PUM2: variants seen among roughly 807,000 people sequenced by gnomAD.
PUM2 encodes the protein pumilio homolog 2.
In PUM2, 57 loss-of-function variants were observed where a neutral mutation model predicts 124.5. The observed-to-expected ratio is 0.46, with a 90% confidence interval of 0.37 to 0.57. The LOEUF is 0.57. PUM2 is among the 20% of genes least tolerant of loss of function. The pLI, the probability that PUM2 is intolerant of heterozygous loss-of-function variation, is 0.00. For synonymous variants in PUM2, 460 were observed against 446.1 expected, an observed-to-expected ratio of 1.03 and a Z score of -0.39; for missense variants, 1,065 against 1,290.6, an observed-to-expected ratio of 0.83 and a Z score of 2.68.
intron 1 of PUM2, among the ~76,000 whole-genome samples, chr2:20,342,141 A>AAG (rs1553410739): frequency 2.0e-5 from 3 of 151,900 alleles, no homozygotes; most frequent in Non-Finnish European, 4.4e-5. Flanking sequence ...AAAAAAAAAA[A>AAG]AAAGAAAGAA....
At chr2:20,253,741 G>T in intron 20 of PUM2, 81 bp downstream of exon 20, 1 of 1,269,024 alleles carries the variant, frequency 7.9e-7, no homozygotes, top group Non-Finnish European at 1.1e-6. Flanking sequence ...ACATACGGGA[G>T]GAAATGAAAG....
chr2:20,305,203 G>T (rs1158903255), intron 7 of PUM2, among the ~76,000 whole-genome samples: 1 of 152,092 alleles, frequency 6.6e-6, no homozygotes, highest in Non-Finnish European at 1.5e-5. Context: ...AGAAAGAAAT[G>T]GCTGGGCGCA....
At chr2:20,331,525 A>T (rs955757167) in intron 1 of PUM2, among the ~76,000 whole-genome samples, 1 of 151,888 alleles carries the variant, frequency 6.6e-6, no homozygotes, top group Non-Finnish European at 1.5e-5. Flanking sequence ...AAGATTAAGT[A>T]CTTCTAATCT....
intron 7 of PUM2, among the ~76,000 whole-genome samples, chr2:20,302,311 TC>T (rs1206526386): frequency 6.6e-6 from 1 of 152,202 alleles, no homozygotes; most frequent in Admixed American, 6.5e-5. Flanking sequence ...CCACTTACAC[TC>T]CTGCCAAAAC....
intron 13 of PUM2, among the ~76,000 whole-genome samples, chr2:20,265,966 G>T (rs1408742953): frequency 6.6e-6 from 1 of 152,106 alleles, no homozygotes; most frequent in Non-Finnish European, 1.5e-5. Flanking sequence ...CAAATATCCT[G>T]CCAATAAGCA....
chr2:20,335,795 AC>A (rs1322141550), intron 1 of PUM2, among the ~76,000 whole-genome samples: 1 of 152,232 alleles, frequency 6.6e-6, no homozygotes, highest in African/African-American at 2.4e-5. Flanking sequence ...TCCTTCAAAG[AC>A]CCTATTAGCT....
intron 12 of PUM2, among the ~76,000 whole-genome samples, chr2:20,282,009 GA>G (rs1205656320): frequency 2.6e-5 from 4 of 152,204 alleles, no homozygotes; most frequent in African/African-American, 7.2e-5. Context: ...GGTAAGAAAA[GA>G]GATCAGAAAC....
At position 20,260,420 on chromosome 2, in the gene PUM2, T is replaced by C. The variant is rs1441232317; in HGVS notation, c.2272A>G (p.Met758Val). Residue 758 changes from methionine (M) to valine (V), a missense_variant, in exon 15 of 21, where the codon ATG becomes GTG. By Grantham distance (21) the Met-to-Val change is conservative. Transcript: ENST00000361078. ...LERATPAERQ[M>V]VFNEILQAAY... ...GCTTGCAGAATTTCATTAAATACCA[T>C]CTGTCGCTCAGCTGGAGTAGCTCTC... The C allele has an allele frequency of 6.2e-7, 1 of 1,610,532 alleles. No individual in the cohort carries two copies.
chr2:20,321,125 C>G (rs1214172279), intron 2 of PUM2, among the ~76,000 whole-genome samples: 1 of 152,026 alleles, frequency 6.6e-6, no homozygotes, highest in East Asian at 1.9e-4. Context: ...TCCGGGAGTG[C>G]CTTCAAAATG....
At chr2:20,254,828 G>A (rs369497101) in intron 19 of PUM2, 35 bp downstream of exon 19, 29 of 1,599,006 alleles carry the variant, frequency 1.8e-5, no homozygotes, top group Non-Finnish European at 2.4e-5. Context: ...TGAGTTGAAA[G>A]AATTGACCCT....
chr2:20,276,769 A>G (rs993363924), intron 13 of PUM2, among the ~76,000 whole-genome samples: 3 of 152,056 alleles, frequency 2.0e-5, no homozygotes, highest in African/African-American at 7.2e-5. Context: ...CAGTCATACC[A>G]CCACTAAAAC....
intron 9 of PUM2, among the ~76,000 whole-genome samples, chr2:20,291,640 T>C (rs1415228668): frequency 5.9e-5 from 9 of 152,292 alleles, no homozygotes; most frequent in African/African-American, 2.2e-4. Flanking sequence ...GTGTTTCTCT[T>C]TACTTCAGAG....
rs1387321446 is a variant in PUM2 at position 20,249,189 on chromosome 2, C to T, written c.*2396G>A. On this transcript the variant is annotated 3_prime_UTR_variant, in exon 21 of 21. Transcript: ENST00000361078. ...TTTTCTAAAATTGCAGAGATAATGC[C>T]TGTGCCAACAGAGGGCAAGGATGAA... 6.6e-6 allele frequency: 1 copy of T among 152,184 alleles called. No homozygotes were observed. The highest frequency in any genetic ancestry group is 1.5e-5 in the Non-Finnish European group (1 of 68,060). The allele number at this position is 152,184 out of a possible 1,614,324, so 9.4% of individuals were successfully genotyped here.
chr2:20,341,760 G>C (rs1687266846), intron 1 of PUM2, among the ~76,000 whole-genome samples: 1 of 152,220 alleles, frequency 6.6e-6, no homozygotes, highest in African/African-American at 2.4e-5. Context: ...GTCTCACATG[G>C]CTATCTTAGT....
intron 3 of PUM2, among the ~76,000 whole-genome samples, chr2:20,316,659 G>T (rs1248452453): frequency 6.6e-6 from 1 of 152,288 alleles, no homozygotes; most frequent in Admixed American, 6.5e-5. Context: ...TGAGGCAGGA[G>T]GATCACTTGA....
chr2:20,279,386 A>G (rs1670981093), intron 12 of PUM2, among the ~76,000 whole-genome samples: 1 of 152,138 alleles, frequency 6.6e-6, no homozygotes, highest in Non-Finnish European at 1.5e-5. Context: ...ACTCAACAGT[A>G]TTTTTTACAC....
chr2:20,253,635 A>G (rs955485650), intron 20 of PUM2, among the ~76,000 whole-genome samples, 187 bp downstream of exon 20: 3 of 151,858 alleles, frequency 2.0e-5, no homozygotes, highest in African/African-American at 7.3e-5. Context: ...AAAAGCCCCC[A>G]TGCCTGGCCA....
At chr2:20,253,364 C>A (rs573061113) in intron 20 of PUM2, among the ~76,000 whole-genome samples, 2 of 152,184 alleles carry the variant, frequency 1.3e-5, no homozygotes, top group South Asian at 4.2e-4. Context: ...TATCGTCATA[C>A]CCAGCTAATT....
chr2:20,318,170 C>T (rs1681453681), intron 3 of PUM2, among the ~76,000 whole-genome samples: 1 of 152,092 alleles, frequency 6.6e-6, no homozygotes, highest in Admixed American at 6.5e-5. Context: ...ATAAGTGGTC[C>T]TTTTTCACCA....
Sources: allele counts gnomAD v4.1 joint callset (sites outside exome capture counted in the v4.1 genomes callset), GRCh38; gene constraint gnomAD v4.1.1; transcripts MANE v1.5; gene names NCBI Gene and HGNC (gene_info 2026-07-23, HGNC 2026-07-21).